Variants in MTHFD1 observed in about 807,000 individuals in gnomAD.
MTHFD1 encodes C-1-tetrahydrofolate synthase, cytoplasmic.
A neutral mutation model predicts 110.3 loss-of-function variants in MTHFD1; 44 were observed. The ratio of observed to expected loss-of-function variants is 0.40; its 90% CI spans 0.31 to 0.51. The LOEUF is 0.51. MTHFD1 is among the 20% of genes least tolerant of loss of function. MTHFD1 has a pLI of 0.60. For synonymous variants in MTHFD1, 402 were observed against 428.8 expected, an observed-to-expected ratio of 0.94 and a Z score of 0.77; for missense variants, 909 against 1,173.1, an observed-to-expected ratio of 0.77 and a Z score of 3.29.
intron 15 of MTHFD1, among the ~76,000 whole-genome samples, chr14:64,432,330 C>G (rs1236615080): frequency 2.0e-5 from 3 of 152,148 alleles, no homozygotes; most frequent in Non-Finnish European, 4.4e-5. Context: ...ATTTCTGTAA[C>G]AAATACATAG....
intron 2 of MTHFD1, among the ~76,000 whole-genome samples, chr14:64,408,351 C>T (rs372978009): frequency 2.0e-4 from 30 of 148,588 alleles, no homozygotes; most frequent in African/African-American, 6.7e-4. Flanking sequence ...TGCAATGGCA[C>T]GATCTTGGCT....
intron 16 of MTHFD1, among the ~76,000 whole-genome samples, chr14:64,436,540 C>T (rs2078207434): frequency 6.6e-6 from 1 of 152,204 alleles, no homozygotes; most frequent in Admixed American, 6.5e-5. Context: ...ACTAGTGTAG[C>T]TTAGATTTCA....
At chr14:64,388,975 T>G (rs1170838542) in intron 1 of MTHFD1, 2 of 169,234 alleles carry the variant, frequency 1.2e-5, no homozygotes, top group African/African-American at 4.8e-5. Flanking sequence ...TTCCTTTCTC[T>G]TCAATCTCGT....
chr14:64,401,700 C>CAAA (rs34004524), intron 2 of MTHFD1, among the ~76,000 whole-genome samples: 32 of 138,710 alleles, frequency 2.3e-4, no homozygotes, highest in Non-Finnish European at 2.9e-4. Context: ...GATTCCGTCT[C>CAAA]AAAAAAAAAA....
intron 19 of MTHFD1, 66 bp downstream of exon 19, chr14:64,441,519 C>A: frequency 6.6e-7 from 1 of 1,521,568 alleles, no homozygotes; most frequent in Non-Finnish European, 9.1e-7. Flanking sequence ...GGTTATAAAG[C>A]ACACTTGCAA....
chr14:64,446,856 T>C (rs1262419717), intron 22 of MTHFD1, among the ~76,000 whole-genome samples: 3 of 152,030 alleles, frequency 2.0e-5, no homozygotes, highest in Admixed American at 6.6e-5. Flanking sequence ...TTTGGGGTTT[T>C]TTTTACAGAC....
At chr14:64,446,740 C>G (rs1029987343) in intron 22 of MTHFD1, among the ~76,000 whole-genome samples, 1 of 152,164 alleles carries the variant, frequency 6.6e-6, no homozygotes, top group African/African-American at 2.4e-5. Flanking sequence ...GACGGGGTTT[C>G]ACCGTGTTAG....
chr14:64,393,835 C>A (rs1387705814), intron 1 of MTHFD1, among the ~76,000 whole-genome samples: 1 of 152,110 alleles, frequency 6.6e-6, no homozygotes, highest in Non-Finnish European at 1.5e-5. Context: ...GGAGTGGAAG[C>A]AAATGGCTCC....
At chr14:64,448,493 C>T (rs2078314823) in intron 23 of MTHFD1, 176 bp downstream of exon 23, 1 of 637,366 alleles carries the variant, frequency 1.6e-6, no homozygotes, top group Admixed American at 2.3e-5. Flanking sequence ...CCACCTCACC[C>T]ACTGAGGGTC....
At chr14:64,444,557 AG>A in intron 21 of MTHFD1, 135 bp from the exon 22 acceptor site, 1 of 974,336 alleles carries the variant, frequency 1.0e-6, no homozygotes, top group Non-Finnish European at 1.6e-6. Flanking sequence ...CTAAGTCCTT[AG>A]GGCAGGAAAT....
chr14:64,407,090 A>AT (rs889737580), intron 2 of MTHFD1, among the ~76,000 whole-genome samples: 72 of 151,248 alleles, frequency 4.8e-4, no homozygotes, highest in African/African-American at 1.4e-3. Context: ...TTGAGTTTTC[A>AT]TTTTTTTTTA....
At chr14:64,416,291 G>A (rs1331841907) in intron 6 of MTHFD1, among the ~76,000 whole-genome samples, 1 of 152,106 alleles carries the variant, frequency 6.6e-6, no homozygotes, top group Non-Finnish European at 1.5e-5. Flanking sequence ...AGCTCAGAGA[G>A]AGCAAGTAAC....
chr14:64,424,741 C>T (rs1447910653), intron 8 of MTHFD1, 63 bp from the exon 9 acceptor site: 17 of 1,593,696 alleles, frequency 1.1e-5, no homozygotes, highest in African/African-American at 1.3e-5. Context: ...GAGTTTTTGT[C>T]GTAACTGATC....
Position 64,411,040 on chromosome 14 carries a change from G to T in MTHFD1, c.127-50G>T, listed in dbSNP as rs375760111. 3.2e-5 allele frequency: 39 copies of T among 1,235,380 alleles called. No homozygotes were observed. The African/African-American group carries it at 5.8e-4, about 18-fold the overall frequency. 76.5% of individuals were successfully genotyped at this position (1,235,380 alleles called of 1,614,324 possible). ...ACTAAAATTGTAGAAGCTTTTCTGT[G>T]CACTTTGCCTTTCCCTAATCATCTG... is the stretch of plus-strand genomic sequence containing the variant. On this transcript the variant is annotated intron_variant, in intron 2 of 27. Transcript: ENST00000652337.
At chr14:64,393,559 G>A (rs2140940592) in intron 1 of MTHFD1, among the ~76,000 whole-genome samples, 1 of 152,338 alleles carries the variant, frequency 6.6e-6, no homozygotes, top group East Asian at 1.9e-4. Flanking sequence ...CCTTCAGCTA[G>A]GACCCCAGCC....
chr14:64,426,851 T>C (rs2078122916), intron 11 of MTHFD1, among the ~76,000 whole-genome samples: 1 of 152,168 alleles, frequency 6.6e-6, no homozygotes. Flanking sequence ...GAGGTTATAT[T>C]AAAAAGCTAG....
chr14:64,416,482 A>T (rs947578168), intron 6 of MTHFD1, among the ~76,000 whole-genome samples: 4 of 152,202 alleles, frequency 2.6e-5, no homozygotes, highest in Admixed American at 2.0e-4. Context: ...AGGACTCGAC[A>T]GATGGCTGGA....
chr14:64,419,803 C>T lies in MTHFD1; in HGVS notation c.616-11C>T. The T allele has an allele frequency of 2.5e-6, 4 of 1,586,542 alleles. No homozygotes were observed. Among genetic ancestry groups the T allele is most frequent in the Non-Finnish European group, 3.5e-6 (4 of 1,154,882 alleles). The stretch of plus-strand genomic sequence containing the variant: ...TATTTCATTTCTGATGTCCAAATCC[C>T]CTACCCCTAGGTAAATAAAGGTGAC... On this transcript the variant is annotated splice_polypyrimidine_tract_variant and intron_variant, in intron 7 of 27. Coordinates refer to ENST00000652337, the MANE Select transcript of MTHFD1 (RefSeq NM_005956.4).
At chr14:64,451,094 G>A (rs998060598) in intron 24 of MTHFD1, among the ~76,000 whole-genome samples, 2 of 152,000 alleles carry the variant, frequency 1.3e-5, no homozygotes, top group East Asian at 2.0e-4. Context: ...GCTTGAACCC[G>A]GGAGGCGGAC....
Sources: allele counts gnomAD v4.1 joint callset (sites outside exome capture counted in the v4.1 genomes callset), GRCh38; gene constraint gnomAD v4.1.1; transcripts MANE v1.5; gene names NCBI Gene and HGNC (gene_info 2026-07-23, HGNC 2026-07-21).